Variants in ARSJ observed in about 807,000 individuals in gnomAD.
ARSJ encodes arylsulfatase family member J, also known as arylsulfatase J.
A neutral mutation model predicts 35.9 loss-of-function variants in ARSJ; 26 were observed. The ratio of observed to expected loss-of-function variants is 0.72; its 90% CI spans 0.53 to 1.00. ARSJ has a LOEUF of 1.00. Ranked by LOEUF, ARSJ falls within the 50% of genes least tolerant of loss-of-function variation. The probability of loss-of-function intolerance (pLI) is 0.00; values close to 1 mark genes in which losing one functional copy is unlikely to be tolerated. For missense variants in ARSJ, 667 were observed against 723.6 expected (o/e 0.92, Z 0.90); for synonymous variants, 294 against 267.6 (o/e 1.10, Z -0.96).
At position 113,932,771 on chromosome 4, in the gene ARSJ, T is replaced by G. The variant is rs557499475; in HGVS notation, c.399-29096A>C. 7.2e-5 allele frequency among the ~76,000 whole-genome samples: 11 copies of G among 152,008 alleles called. No individual in the cohort carries two copies. In the South Asian group the frequency reaches 8.3e-4, roughly 11 times the overall value. ...GTCAAAAAAGTAGAAAAACTTCAAATAAGCAATCTACTGATTTACCTCAAG... is the reference window on the plus strand; with the variant it reads ...GTCAAAAAAGTAGAAAAACTTCAAAGAAGCAATCTACTGATTTACCTCAAG... On this transcript the variant is annotated intron_variant, in intron 1 of 1. Transcript: ENST00000315366.
At chr4:113,944,719 AGTAAT>A (rs2149271519) in intron 1 of ARSJ, among the ~76,000 whole-genome samples, 1 of 152,164 alleles carries the variant, frequency 6.6e-6, no homozygotes, top group East Asian at 1.9e-4. Flanking sequence ...GAAGAATGAG[AGTAAT>A]ACAAATGATT....
intron 1 of ARSJ, among the ~76,000 whole-genome samples, chr4:113,950,401 GC>G (rs758973028): frequency 6.6e-6 from 1 of 152,080 alleles, no homozygotes; most frequent in African/African-American, 2.4e-5. Flanking sequence ...GATGTAGGAA[GC>G]CCCATCCAGA....
intron 1 of ARSJ, among the ~76,000 whole-genome samples, chr4:113,965,955 T>G (rs1180618061): frequency 6.6e-6 from 1 of 152,034 alleles, no homozygotes; most frequent in East Asian, 1.9e-4. Flanking sequence ...TAACACAATC[T>G]TTAACCTCAT....
At chr4:113,917,700 C>T (rs79439909) in intron 1 of ARSJ, among the ~76,000 whole-genome samples, 8,640 of 152,164 alleles carry the variant, frequency 0.057, 325 homozygotes, top group East Asian at 0.11. Flanking sequence ...TATGAATCTT[C>T]AATATGATTC....
chr4:113,903,504 T>A lies in ARSJ; in HGVS notation c.570A>T (p.Arg190Ser). 1 of 1,614,168 alleles carries A rather than the reference T, an allele frequency of 6.2e-7. No homozygotes were observed. Among genetic ancestry groups the A allele is most frequent in the African/African-American group, 1.3e-5 (1 of 75,030 alleles). Residue 190 changes from arginine to serine, a missense_variant, in exon 2 of 2, where the codon AGA becomes AGT. By Grantham distance (110) the Arg-to-Ser change is moderately radical (BLOSUM62 -1). Transcript: ENST00000315366. ...AACCAAAAAAGGTATCAAATCCTCTTCTGGTGGGCATGCATTCTTTTCTGT... is the reference window on the plus strand; with the variant it reads ...AACCAAAAAAGGTATCAAATCCTCTACTGGTGGGCATGCATTCTTTTCTGT... ...GFYRKECMPTRRGFDTFFGSL... is the reference protein window; with the variant it reads ...GFYRKECMPTSRGFDTFFGSL...
intron 1 of ARSJ, among the ~76,000 whole-genome samples, chr4:113,945,598 AT>A (rs961557970): frequency 5.3e-5 from 8 of 151,538 alleles, no homozygotes; most frequent in African/African-American, 1.5e-4. Flanking sequence ...CTATAGGGGA[AT>A]TTTTTTTTGA....
chr4:113,958,954 T>C (rs1036187374), intron 1 of ARSJ, among the ~76,000 whole-genome samples: 2 of 152,030 alleles, frequency 1.3e-5, no homozygotes, highest in Non-Finnish European at 2.9e-5. Context: ...CACCCACTCT[T>C]GCCATTTCTA....
Position 113,978,810 on chromosome 4 carries a change from G to A in ARSJ, c.25C>T (p.His9Tyr). 1 of 1,609,176 alleles carries A rather than the reference G, an allele frequency of 6.2e-7. No homozygotes were observed. The highest frequency in any genetic ancestry group is 8.5e-7 in the Non-Finnish European group (1 of 1,177,704). Reference sequence around the variant, plus strand: ...GCCTGTGGAGAAGGCGGAGGCGGATGCCCCGCACAGCCCCTGGGAGCCATT... The same window carrying A: ...GCCTGTGGAGAAGGCGGAGGCGGATACCCCGCACAGCCCCTGGGAGCCATT... The part of the protein sequence containing the change: MAPRGCAG[H>Y]PPPPSPQACV... The change falls in exon 1 of 2, where the codon CAT becomes TAT. Residue 9 changes from histidine (H) to tyrosine (Y), a missense_variant. Coordinates refer to ENST00000315366, the MANE Select transcript of ARSJ (RefSeq NM_024590.4).
At chr4:113,916,784 C>A (rs996107618) in intron 1 of ARSJ, among the ~76,000 whole-genome samples, 1 of 152,100 alleles carries the variant, frequency 6.6e-6, no homozygotes, top group East Asian at 1.9e-4. Flanking sequence ...TGTGTCAGTT[C>A]TTTAAATGTC....
intron 1 of ARSJ, among the ~76,000 whole-genome samples, chr4:113,918,766 GC>G (rs1158998698): frequency 6.6e-6 from 1 of 152,030 alleles, no homozygotes. Context: ...TGAATCCATT[GC>G]TAATGCTGTA....
At chr4:113,915,626 A>C (rs1723245654) in intron 1 of ARSJ, among the ~76,000 whole-genome samples, 1 of 152,194 alleles carries the variant, frequency 6.6e-6, no homozygotes, top group South Asian at 2.1e-4. Flanking sequence ...TTTCAAAACC[A>C]GAAATAAAAA....
Position 113,908,844 on chromosome 4 carries a change from C to G in ARSJ, c.399-5169G>C, listed in dbSNP as rs186460496. Among the ~76,000 whole-genome samples the G allele has an allele frequency of 3.4e-4, 51 of 152,232 alleles. 1 individual carries two copies. The highest frequency in any genetic ancestry group is 3.4e-3 in the Middle Eastern group (1 of 294). On this transcript the variant is annotated intron_variant, in intron 1 of 1. Transcript: ENST00000315366. ...TTCTTTTTGCATCCCAATGAATCAT[C>G]TTGCATTACCCTTTGGTGTATGTAT...
Position 113,978,643 on chromosome 4 carries a change from C to A in ARSJ, c.192G>T (p.Glu64Asp). The stretch of plus-strand genomic sequence containing the variant: ...TGGAAGTTGTGCTGGGCTCTAGTTT[C>A]TCTCCAGCTTGAGCTAGTAAGGCCC... Reference protein sequence around the residue: ...EEGALLAQAGEKLEPSTTSTS... With the variant: ...EEGALLAQAGDKLEPSTTSTS... The change falls in exon 1 of 2, where the codon GAG becomes GAT. Residue 64 changes from glutamate to aspartate, a missense_variant. Coordinates refer to ENST00000315366, the MANE Select transcript of ARSJ (RefSeq NM_024590.4). The A allele has an allele frequency of 1.2e-6, 2 of 1,614,188 alleles. No individual in the cohort carries two copies. The highest frequency in any genetic ancestry group is 2.2e-5 in the South Asian group (2 of 91,080).
intron 1 of ARSJ, among the ~76,000 whole-genome samples, chr4:113,937,570 T>A (rs1431523739): frequency 6.6e-6 from 1 of 151,994 alleles, no homozygotes; most frequent in East Asian, 1.9e-4. Context: ...AAATAAAGTG[T>A]ATTCGTATAG....
At chr4:113,963,747 G>A (rs1438350139) in intron 1 of ARSJ, among the ~76,000 whole-genome samples, 1 of 152,036 alleles carries the variant, frequency 6.6e-6, no homozygotes, top group South Asian at 2.1e-4. Flanking sequence ...TAAATCAAGG[G>A]CCATTACTTA....
intron 1 of ARSJ, among the ~76,000 whole-genome samples, chr4:113,939,238 A>T (rs2149268461): frequency 7.3e-6 from 1 of 137,490 alleles, no homozygotes; most frequent in East Asian, 2.3e-4. Flanking sequence ...AAAGGACATG[A>T]ACTCATCATT....
intron 1 of ARSJ, among the ~76,000 whole-genome samples, chr4:113,925,707 T>A (rs1204641506): frequency 6.6e-6 from 1 of 152,140 alleles, no homozygotes; most frequent in Non-Finnish European, 1.5e-5. Flanking sequence ...AAGCATCCCA[T>A]GAGTCCACAG....
chr4:113,905,670 T>TTTTG (rs2099668510), intron 1 of ARSJ, among the ~76,000 whole-genome samples: 1 of 124,944 alleles, frequency 8.0e-6, no homozygotes, highest in Non-Finnish European at 1.7e-5. Flanking sequence ...ATTTTTTTTT[T>TTTTG]TTTTTTTTTT....
intron 1 of ARSJ, among the ~76,000 whole-genome samples, chr4:113,957,459 T>C (rs1307434994): frequency 3.3e-5 from 5 of 152,088 alleles, no homozygotes; most frequent in Non-Finnish European, 5.9e-5. Context: ...GAACCTTTTA[T>C]TTAAAAATGG....
Sources: allele counts gnomAD v4.1 joint callset (sites outside exome capture counted in the v4.1 genomes callset), GRCh38; gene constraint gnomAD v4.1.1; transcripts MANE v1.5; gene names NCBI Gene and HGNC (gene_info 2026-07-23, HGNC 2026-07-21).